The following GSE1 variants were observed in gnomAD, a reference collection of about 807,000 sequenced individuals.
GSE1 encodes genetic suppressor element 1.
GSE1 carries 32 observed loss-of-function variants against 112.6 expected under a neutral mutation model. That is an observed-to-expected ratio of 0.28 (90% CI 0.21 to 0.38). The LOEUF (loss-of-function observed/expected upper bound fraction) is 0.38, where lower values mean the gene tolerates loss of function less well. Ranked by LOEUF, GSE1 falls within the 10% of genes least tolerant of loss-of-function variation. The pLI, the probability that GSE1 is intolerant of heterozygous loss-of-function variation, is 1.00. For missense variants in GSE1, 2,348 were observed against 1,699.2 expected, an observed-to-expected ratio of 1.38 and a Z score of -6.71; for synonymous variants, 1,115 against 735.6, an observed-to-expected ratio of 1.52 and a Z score of -8.35.
At chr16:85,463,757 G>A (rs913053106) in intron 2 of GSE1, among the ~76,000 whole-genome samples, 1 of 152,164 alleles carries the variant, frequency 6.6e-6, no homozygotes, top group African/African-American at 2.4e-5. Context: ...GAGTCACAGA[G>A]CCCGCCGAGG....
At chr16:85,662,546 T>C (rs1598666126) in intron 9 of GSE1, 1 of 157,302 alleles carries the variant, frequency 6.4e-6, no homozygotes, top group African/African-American at 2.4e-5. Context: ...GGGCAGGGGC[T>C]CTGCTATTGT....
chr16:85,360,951 C>A (rs2047059155), intron 2 of GSE1, among the ~76,000 whole-genome samples: 1 of 151,906 alleles, frequency 6.6e-6, no homozygotes, highest in African/African-American at 2.4e-5. Flanking sequence ...AGACACAGAC[C>A]CTGTCTGCAC....
At chr16:85,493,712 C>T (rs2051080998) in intron 2 of GSE1, among the ~76,000 whole-genome samples, 1 of 151,150 alleles carries the variant, frequency 6.6e-6, no homozygotes, top group African/African-American at 2.4e-5. Flanking sequence ...ATCGCTTGAA[C>T]CCGGGAGGTA....
At chr16:85,411,740 C>T (rs1010851761) in intron 2 of GSE1, among the ~76,000 whole-genome samples, 369 of 14,652 alleles carry the variant, frequency 0.025, no homozygotes, top group Non-Finnish European at 0.054. Flanking sequence ...ACACTCAGGG[C>T]CCCCCGGATA....
chr16:85,173,210 G>A lies in GSE1; in HGVS notation c.2283+1403G>A, dbSNP rs543592562. Among the ~76,000 whole-genome samples, 5 of 152,310 alleles carry A rather than the reference G, an allele frequency of 3.3e-5. No homozygotes were observed. The South Asian group carries it at 6.2e-4, about 19-fold the overall frequency. The stretch of plus-strand genomic sequence containing the variant: ...CATTTGTTCCTTACCATGGCGCTGC[G>A]AGGCCTTCTCATCTCATTTTATAGA... On this transcript the variant is annotated intron_variant, in intron 1 of 2. Coordinates refer to the GSE1 transcript ENST00000637419.
At chr16:85,247,540 C>G (rs962502239) in intron 1 of GSE1, among the ~76,000 whole-genome samples, 3 of 152,208 alleles carry the variant, frequency 2.0e-5, no homozygotes, top group Non-Finnish European at 2.9e-5. Context: ...CTGGACCTGG[C>G]TGACCATACA....
intron 2 of GSE1, among the ~76,000 whole-genome samples, chr16:85,501,954 G>C (rs989493274): frequency 6.6e-6 from 1 of 152,228 alleles, no homozygotes; most frequent in Non-Finnish European, 1.5e-5. Flanking sequence ...TATTTTGTTG[G>C]GGGGCAGGGT....
At chr16:85,356,529 T>C (rs1243038045) in intron 1 of GSE1, among the ~76,000 whole-genome samples, 1 of 152,236 alleles carries the variant, frequency 6.6e-6, no homozygotes, top group African/African-American at 2.4e-5. Context: ...CAGGTGAGAC[T>C]CTGGCCAGCT....
At chr16:85,667,019 T>TA (rs781199401) in intron 13 of GSE1, among the ~76,000 whole-genome samples, 2 of 152,252 alleles carry the variant, frequency 1.3e-5, no homozygotes, top group Non-Finnish European at 2.9e-5. Flanking sequence ...GCATAGGTGA[T>TA]ACGCAGATAC....
intron 1 of GSE1, among the ~76,000 whole-genome samples, chr16:85,348,658 TCA>T (rs2046792470): frequency 6.6e-6 from 1 of 152,132 alleles, no homozygotes; most frequent in South Asian, 2.1e-4. Context: ...CCGCTCAGCC[TCA>T]GTTTTCCCAT....
intron 1 of GSE1, among the ~76,000 whole-genome samples, chr16:85,338,666 C>T (rs778278416): frequency 3.3e-5 from 5 of 152,260 alleles, no homozygotes; most frequent in East Asian, 1.9e-4. Flanking sequence ...CCTAAAGGCC[C>T]GGTAGTAGTC....
At chr16:85,511,383 C>G (rs975563295) in intron 2 of GSE1, among the ~76,000 whole-genome samples, 1 of 152,148 alleles carries the variant, frequency 6.6e-6, no homozygotes, top group Admixed American at 6.5e-5. Flanking sequence ...AAAAAATCAG[C>G]CGGGCATGGT....
chr16:85,473,267 A>T (rs1233892675), intron 2 of GSE1, among the ~76,000 whole-genome samples: 1 of 152,206 alleles, frequency 6.6e-6, no homozygotes, highest in South Asian at 2.1e-4. Flanking sequence ...ATAAACCATA[A>T]AAGTGATGAG....
chr16:85,314,191 CG>C (rs1177453913), intron 1 of GSE1, among the ~76,000 whole-genome samples: 1 of 152,042 alleles, frequency 6.6e-6, no homozygotes, highest in Non-Finnish European at 1.5e-5. Context: ...TCACAGAGCC[CG>C]GGGAGTGAGA....
chr16:85,504,601 T>C (rs912847568), intron 2 of GSE1, among the ~76,000 whole-genome samples: 4 of 152,142 alleles, frequency 2.6e-5, no homozygotes, highest in Non-Finnish European at 4.4e-5. Flanking sequence ...ATAGTTAGAA[T>C]TGGGAAATAA....
intron 2 of GSE1, among the ~76,000 whole-genome samples, chr16:85,472,268 C>T (rs534435112): frequency 1.1e-4 from 16 of 152,288 alleles, no homozygotes; most frequent in African/African-American, 3.9e-4. Context: ...CTTTACAGAC[C>T]AGGAGTCCAA....
chr16:85,226,622 C>T lies in GSE1; in HGVS notation c.2283+54815C>T, dbSNP rs183089189. Among the ~76,000 whole-genome samples the T allele has an allele frequency of 7.2e-5, 11 of 152,196 alleles. No individual in the cohort carries two copies. The East Asian group carries it at 1.5e-3, about 21-fold the overall frequency. ...ATAAGGTGAGGGAGCAGGCTGCTGC[C>T]GGTGCTGTTGTGAGGTTTAGATAGA... On this transcript the variant is annotated intron_variant, in intron 1 of 2. Transcript: ENST00000637419.
intron 2 of GSE1, among the ~76,000 whole-genome samples, chr16:85,648,225 T>G (rs1001224154): frequency 1.3e-5 from 2 of 152,076 alleles, no homozygotes; most frequent in Admixed American, 6.5e-5. Context: ...CAGGCACTGG[T>G]CCTGCCCGCC....
chr16:85,591,627 TG>T (rs1045448977), intron 1 of GSE1, among the ~76,000 whole-genome samples: 2 of 152,198 alleles, frequency 1.3e-5, no homozygotes, highest in Admixed American at 6.5e-5. Context: ...GGGCATGGGC[TG>T]GGGGTGCTGG....
Sources: gnomAD v4.1 joint callset for allele counts (sites outside exome capture counted in the v4.1 genomes callset) on GRCh38, gnomAD v4.1.1 for gene constraint, MANE v1.5 for transcripts, NCBI Gene and HGNC (gene_info 2026-07-23, HGNC 2026-07-21) for gene names.